SYTL3: variants seen among roughly 807,000 people sequenced by gnomAD.
SYTL3 encodes the protein synaptotagmin-like protein 3.
In SYTL3, 88 loss-of-function variants were observed where a neutral mutation model predicts 82.1. That is an observed-to-expected ratio of 1.07 (90% CI 0.90 to 1.28). SYTL3 has a LOEUF of 1.28. SYTL3 is among the 50% of genes most tolerant of loss of function. The probability of loss-of-function intolerance (pLI) is 0.00; values close to 1 mark genes in which losing one functional copy is unlikely to be tolerated. For missense variants in SYTL3, 831 were observed against 757.6 expected (o/e 1.10, Z -1.14); for synonymous variants, 311 against 289.4 (o/e 1.07, Z -0.76).
intron 11 of SYTL3, among the ~76,000 whole-genome samples, chr6:158,740,064 T>G (rs1786735310): frequency 6.8e-6 from 1 of 146,670 alleles, no homozygotes; most frequent in Non-Finnish European, 1.5e-5. Context: ...TGGTGTGATC[T>G]CGGCTCACTG....
intron 11 of SYTL3, among the ~76,000 whole-genome samples, chr6:158,730,001 T>C (rs1785209340): frequency 6.6e-6 from 1 of 152,228 alleles, no homozygotes; most frequent in Non-Finnish European, 1.5e-5. Context: ...CTATCCTATG[T>C]AGCTGTTAGA....
intron 9 of SYTL3, among the ~76,000 whole-genome samples, chr6:158,715,599 T>TCACACACACACACAGACACACA (rs1783279232): frequency 8.6e-6 from 1 of 116,442 alleles, no homozygotes; most frequent in Non-Finnish European, 1.8e-5. Context: ...TGAAACCGCA[T>TCACACACACACACAGACACACA]CACACACACA....
chr6:158,684,485 A>G (rs918373251), intron 6 of SYTL3, among the ~76,000 whole-genome samples: 1 of 152,180 alleles, frequency 6.6e-6, no homozygotes, highest in Non-Finnish European at 1.5e-5. Flanking sequence ...AGGCGCACAC[A>G]GGCACCGTCA....
intron 4 of SYTL3, chr6:158,663,773 G>A (rs117939758): frequency 0.012 from 2,730 of 223,202 alleles, 32 homozygotes; most frequent in Non-Finnish European, 0.015. Flanking sequence ...GGTGCCGGGA[G>A]GTGTAAAGAA....
chr6:158,707,137 T>C (rs1171930290), intron 6 of SYTL3, 93 bp from the exon 7 acceptor site: 2 of 1,273,468 alleles, frequency 1.6e-6, no homozygotes, highest in South Asian at 1.2e-5. Context: ...GAAATGATAC[T>C]AGAGAAAATA....
At chr6:158,734,389 G>C (rs573136627) in intron 11 of SYTL3, among the ~76,000 whole-genome samples, 1 of 151,950 alleles carries the variant, frequency 6.6e-6, no homozygotes, top group Non-Finnish European at 1.5e-5. Context: ...AGCCAAGTAC[G>C]TGGGCTTGGA....
chr6:158,679,056 G>C (rs909596156), intron 5 of SYTL3, among the ~76,000 whole-genome samples: 5 of 152,164 alleles, frequency 3.3e-5, no homozygotes, highest in African/African-American at 1.2e-4. Flanking sequence ...TCTAAGGGCA[G>C]TGAGTGGTCC....
chr6:158,731,152 C>T (rs772525552), intron 11 of SYTL3, among the ~76,000 whole-genome samples: 50 of 151,892 alleles, frequency 3.3e-4, no homozygotes, highest in Admixed American at 8.5e-4. Flanking sequence ...GGCATGGTGG[C>T]GGGCGCCTGT....
At position 158,745,496 on chromosome 6, in the gene SYTL3, T is replaced by C; in HGVS notation, c.872T>C (p.Ile291Thr). 4.4e-6 allele frequency: 7 copies of C among 1,608,808 alleles called. No individual in the cohort carries two copies. The East Asian group carries it at 1.3e-4, about 31-fold the overall frequency. The change falls in exon 12 of 18, where the codon ATT becomes ACT. Residue 291 changes from isoleucine to threonine, a missense_variant. Physicochemically the swap from Ile to Thr is moderately conservative, Grantham distance 89. Transcript: ENST00000611299. ...TGATTTCAGGGAAGTTTAATTAGCA[T>C]TGACAGCACCTGTACAGAGATGGGC... ...GGFRHGSLISIDSTCTEMGNF... is the reference protein window; with the variant it reads ...GGFRHGSLISTDSTCTEMGNF...
intron 9 of SYTL3, among the ~76,000 whole-genome samples, chr6:158,714,155 C>A (rs1166447233): frequency 4.6e-5 from 7 of 152,184 alleles, no homozygotes; most frequent in African/African-American, 1.2e-4. Flanking sequence ...GAGTTCGAGA[C>A]CATCTGGCCA....
chr6:158,714,346 C>T (rs573130371), intron 9 of SYTL3, among the ~76,000 whole-genome samples: 4 of 150,768 alleles, frequency 2.7e-5, no homozygotes, highest in African/African-American at 4.9e-5. Context: ...AGCAAGACTC[C>T]GTCTCAAAAA....
chr6:158,708,455 G>C (rs1782367046), intron 8 of SYTL3, 64 bp downstream of exon 8: 1 of 1,509,126 alleles, frequency 6.6e-7, no homozygotes, highest in African/African-American at 1.4e-5. Flanking sequence ...AGGAAGCAGG[G>C]GAGCTTTCGA....
At chr6:158,655,197 A>C (rs1391363708) in intron 2 of SYTL3, among the ~76,000 whole-genome samples, 1 of 152,204 alleles carries the variant, frequency 6.6e-6, no homozygotes, top group Non-Finnish European at 1.5e-5. Context: ...GTTAAATTCC[A>C]AAATGACTCA....
chr6:158,711,158 C>T (rs887085071), intron 8 of SYTL3, among the ~76,000 whole-genome samples: 14 of 152,200 alleles, frequency 9.2e-5, no homozygotes, highest in African/African-American at 3.1e-4. Context: ...TAAGCCATTT[C>T]CTACTTTTGC....
chr6:158,713,637 C>G (rs1562411346), intron 8 of SYTL3, among the ~76,000 whole-genome samples, 163 bp from the exon 9 acceptor site: 1 of 152,128 alleles, frequency 6.6e-6, no homozygotes, highest in Admixed American at 6.6e-5. Context: ...GCCTCCAGGC[C>G]TGCATGCACA....
rs748983706 is a variant in SYTL3 at position 158,707,318 on chromosome 6, C to T, written c.446+37C>T. 6.9e-5 allele frequency: 111 copies of T among 1,602,598 alleles called. 1 individual carries two copies. The South Asian group carries it at 8.6e-4, about 12-fold the overall frequency. On this transcript the variant is annotated intron_variant, in intron 7 of 17. Coordinates refer to ENST00000611299, the MANE Select transcript of SYTL3 (RefSeq NM_001242394.2). ...AAAGGACAGACCGTCCCTGGCCCTC[C>T]GGGGCAGGAGCGCAGAGGACACTCT...
intron 11 of SYTL3, among the ~76,000 whole-genome samples, chr6:158,729,759 G>A (rs1785181576): frequency 6.6e-6 from 1 of 151,648 alleles, no homozygotes; most frequent in Non-Finnish European, 1.5e-5. Flanking sequence ...GTAGAGACAG[G>A]GTTTCACCGT....
At chr6:158,744,822 A>G (rs1385960880) in intron 11 of SYTL3, among the ~76,000 whole-genome samples, 1 of 152,216 alleles carries the variant, frequency 6.6e-6, no homozygotes, top group Non-Finnish European at 1.5e-5. Context: ...TGTGCTAATT[A>G]ATAACATTCA....
At chr6:158,763,842 A>G (rs1282529834) in intron 17 of SYTL3, among the ~76,000 whole-genome samples, 1 of 152,216 alleles carries the variant, frequency 6.6e-6, no homozygotes, top group African/African-American at 2.4e-5. Flanking sequence ...ACAAATGGCA[A>G]TTCAGAAAGT....
Sources: allele counts gnomAD v4.1 joint callset (sites outside exome capture counted in the v4.1 genomes callset), GRCh38; gene constraint gnomAD v4.1.1; transcripts MANE v1.5; gene names NCBI Gene and HGNC (gene_info 2026-07-23, HGNC 2026-07-21).